The following WWOX variants were observed in gnomAD, a reference collection of about 807,000 sequenced individuals.
WWOX encodes WW domain containing oxidoreductase, also known as WW domain-containing oxidoreductase.
Under a neutral mutation model 46.2 loss-of-function variants are expected in WWOX, and 69 were observed. The observed-to-expected ratio is 1.49, with a 90% confidence interval of 1.23 to 1.82. The LOEUF is 1.82. Ranked by LOEUF, WWOX falls within the 40% of genes most tolerant of loss-of-function variation. The probability of loss-of-function intolerance (pLI) is 0.00; values close to 1 mark genes in which losing one functional copy is unlikely to be tolerated. For missense variants in WWOX, 919 were observed against 542.6 expected (o/e 1.69, Z -6.89); for synonymous variants, 359 against 202.6 (o/e 1.77, Z -6.56).
intron 8 of WWOX, among the ~76,000 whole-genome samples, chr16:78,506,028 C>G (rs570333467): frequency 6.6e-6 from 1 of 152,356 alleles, no homozygotes; most frequent in African/African-American, 2.4e-5. Context: ...CTTCCCGACC[C>G]TTGCACCCCT....
intron 8 of WWOX, among the ~76,000 whole-genome samples, chr16:78,925,945 T>G (rs1164136678): frequency 2.0e-5 from 3 of 152,118 alleles, no homozygotes; most frequent in African/African-American, 7.2e-5. Flanking sequence ...TGAATGCGAT[T>G]GGGCAGAAAG....
intron 8 of WWOX, among the ~76,000 whole-genome samples, chr16:78,926,650 A>G (rs890915545): frequency 2.0e-5 from 3 of 152,304 alleles, no homozygotes; most frequent in Middle Eastern, 3.4e-3. Context: ...TTTGGGCAGC[A>G]TACACTGGTA....
chr16:78,522,119 G>A (rs1196017474), intron 8 of WWOX, among the ~76,000 whole-genome samples: 1 of 149,264 alleles, frequency 6.7e-6, no homozygotes, highest in Non-Finnish European at 1.5e-5. Context: ...GAATATGGAG[G>A]AGAAGGGAAG....
chr16:78,190,919 C>T (rs2035864251), intron 5 of WWOX, among the ~76,000 whole-genome samples: 1 of 152,220 alleles, frequency 6.6e-6, no homozygotes, highest in Non-Finnish European at 1.5e-5. Flanking sequence ...TTTTTTGGGA[C>T]CCAGGGTATC....
At chr16:78,594,063 C>G (rs1038404147) in intron 8 of WWOX, among the ~76,000 whole-genome samples, 1 of 152,142 alleles carries the variant, frequency 6.6e-6, no homozygotes, top group Non-Finnish European at 1.5e-5. Flanking sequence ...GAGATGTGAT[C>G]ACGTTTATAA....
chr16:79,177,996 C>T (rs1024220158), intron 8 of WWOX, among the ~76,000 whole-genome samples: 1 of 152,162 alleles, frequency 6.6e-6, no homozygotes, highest in Admixed American at 6.5e-5. Flanking sequence ...ATGATGACTT[C>T]TTGCTGTGTC....
At chr16:78,582,071 G>C (rs1344169029) in intron 8 of WWOX, among the ~76,000 whole-genome samples, 4 of 152,170 alleles carry the variant, frequency 2.6e-5, no homozygotes, top group Non-Finnish European at 5.9e-5. Flanking sequence ...GGAACGCTGG[G>C]TGCAGAAGCA....
intron 8 of WWOX, among the ~76,000 whole-genome samples, chr16:79,197,064 A>G (rs371965369): frequency 6.6e-6 from 1 of 152,176 alleles, no homozygotes; most frequent in African/African-American, 2.4e-5. Context: ...TAGGAAGTAT[A>G]GTTACCTTGG....
intron 8 of WWOX, among the ~76,000 whole-genome samples, chr16:78,611,082 A>G (rs982199474): frequency 6.6e-6 from 1 of 152,226 alleles, no homozygotes; most frequent in Non-Finnish European, 1.5e-5. Flanking sequence ...GTAAATGTAT[A>G]TCCCAGTGTG....
At chr16:78,975,681 C>A (rs1029502779) in intron 8 of WWOX, among the ~76,000 whole-genome samples, 1 of 152,074 alleles carries the variant, frequency 6.6e-6, no homozygotes, top group Admixed American at 6.6e-5. Context: ...GTATTGTCAC[C>A]CCTGTTGGGA....
In WWOX at chr16:78,979,044, C is replaced by T. The variant is rs145944907; in HGVS notation, c.1057-232564C>T. Among the ~76,000 whole-genome samples the T allele has an allele frequency of 3.6e-3, 545 of 151,796 alleles. 4 individuals carry two copies. Among genetic ancestry groups the T allele is most frequent in the African/African-American group, 0.013 (527 of 41,404 alleles). On this transcript the variant is annotated intron_variant, in intron 8 of 8. Coordinates refer to ENST00000566780, the MANE Select transcript of WWOX (RefSeq NM_016373.4). ...CTTCATCAGCATCTGCTCTCCTTTA[C>T]GGCCAGGTCTCCTTCGTCCTCCCTG...
chr16:78,580,502 A>G (rs1375687192), intron 8 of WWOX, among the ~76,000 whole-genome samples: 1 of 152,340 alleles, frequency 6.6e-6, no homozygotes, highest in East Asian at 1.9e-4. Flanking sequence ...AGATGCCCAG[A>G]GGCATTTATA....
rs534567004 is a variant in WWOX, at chr16:78,733,591, CA to C, written c.1056+300853del. The stretch of plus-strand genomic sequence containing the variant: ...TGAAACCCTATCTCTACTGAAAATA[CA>C]AAAAAAAAAAAAATTAGCCGGGTAT... On this transcript the variant is annotated intron_variant, in intron 8 of 8. Transcript: ENST00000566780. Among the ~76,000 whole-genome samples, 1,299 of 134,870 alleles carry C rather than the reference CA, an allele frequency of 9.6e-3. 9 individuals carry two copies. The highest frequency in any genetic ancestry group is 0.023 in the African/African-American group (848 of 36,642). The allele number at this position is 134,870 out of a possible 152,430, so 88.5% of individuals were successfully genotyped here.
chr16:79,058,235 G>C (rs949886828), intron 8 of WWOX, among the ~76,000 whole-genome samples: 10 of 152,020 alleles, frequency 6.6e-5, no homozygotes, highest in African/African-American at 2.4e-4. Flanking sequence ...CAAGATGTGT[G>C]ATGGTGGGCA....
At chr16:78,618,751 T>TGTCTTCCCCACC (rs1417683063) in intron 8 of WWOX, among the ~76,000 whole-genome samples, 2 of 151,806 alleles carry the variant, frequency 1.3e-5, no homozygotes, top group East Asian at 3.9e-4. Context: ...AATTCCCCAC[T>TGTCTTCCCCACC]GTCTTCCCCA....
At chr16:79,066,383 G>C (rs1040452264) in intron 8 of WWOX, among the ~76,000 whole-genome samples, 29 of 152,134 alleles carry the variant, frequency 1.9e-4, no homozygotes, top group African/African-American at 6.5e-4. Context: ...CATCAGGGCT[G>C]GGAAGGAATC....
At chr16:78,852,105 A>G (rs2052458141) in intron 8 of WWOX, among the ~76,000 whole-genome samples, 1 of 152,142 alleles carries the variant, frequency 6.6e-6, no homozygotes, top group Admixed American at 6.5e-5. Flanking sequence ...ATTCATTTTG[A>G]GGTCATTTTG....
intron 6 of WWOX, among the ~76,000 whole-genome samples, chr16:78,387,915 C>T (rs946929140): frequency 1.3e-5 from 2 of 151,966 alleles, no homozygotes; most frequent in Admixed American, 1.3e-4. Flanking sequence ...GACAAGCTGC[C>T]TTTGGGTTAG....
intron 8 of WWOX, among the ~76,000 whole-genome samples, chr16:78,593,686 T>C (rs7185001): frequency 0.16 from 24,170 of 151,268 alleles, 3,228 homozygotes; most frequent in African/African-American, 0.37. Flanking sequence ...CTTGGCAGCA[T>C]CTTCCCAGCG....
Sources: gnomAD v4.1 joint callset for allele counts (sites outside exome capture counted in the v4.1 genomes callset) on GRCh38, gnomAD v4.1.1 for gene constraint, MANE v1.5 for transcripts, NCBI Gene and HGNC (gene_info 2026-07-23, HGNC 2026-07-21) for gene names.